GBA1: variants seen among roughly 807,000 people sequenced by gnomAD.
The protein encoded by GBA1 is lysosomal acid glucosylceramidase.
At chr1:155,238,186 T>C in the GBA1 span, 10 of 1,614,068 alleles carry the variant, frequency 6.2e-6, no homozygotes, top group Admixed American at 1.2e-4. Context: ...GGCTGTCCCT[T>C]GAGTGACCCC....
chr1:155,240,769 A>G, the GBA1 span: 4 of 1,477,670 alleles, frequency 2.7e-6, no homozygotes, highest in Non-Finnish European at 1.9e-6. Context: ...CCACCCCTCA[A>G]CTACTCTCCT....
At chr1:155,243,930 C>T in the GBA1 span, among the ~76,000 whole-genome samples, 1 of 152,000 alleles carries the variant, frequency 6.6e-6, no homozygotes, top group Non-Finnish European at 1.5e-5. Flanking sequence ...GTGCGAATCC[C>T]AACCCCGACG....
chr1:155,236,829 A>G, the GBA1 span, among the ~76,000 whole-genome samples: 1 of 152,014 alleles, frequency 6.6e-6, no homozygotes. Flanking sequence ...GTATATACAC[A>G]TACATACATG....
the GBA1 span, chr1:155,240,497 T>G: frequency 1.3e-6 from 1 of 790,450 alleles, no homozygotes; most frequent in Non-Finnish European, 2.3e-6. Flanking sequence ...ACCCCAAAGT[T>G]GGTCTCAGTC....
chr1:155,237,560 A>G, the GBA1 span: 1 of 1,613,890 alleles, frequency 6.2e-7, no homozygotes, highest in Admixed American at 1.7e-5. Flanking sequence ...ACTTGTGCTC[A>G]GCATAGGCAT....
the GBA1 span, chr1:155,239,824 T>C: frequency 6.2e-7 from 1 of 1,610,808 alleles, no homozygotes; most frequent in Non-Finnish European, 8.5e-7. Context: ...TGGTGATCAC[T>C]GACACCATTT....
chr1:155,235,725 G>C, the GBA1 span: 1 of 1,613,660 alleles, frequency 6.2e-7, no homozygotes, highest in Non-Finnish European at 8.5e-7. Context: ...TGTAAAACGT[G>C]TCCTTGGTGA....
chr1:155,243,403 A>G, the GBA1 span, among the ~76,000 whole-genome samples: 8 of 152,246 alleles, frequency 5.3e-5, no homozygotes, highest in African/African-American at 1.4e-4. Flanking sequence ...TAGAAGTCCA[A>G]ACATCTCCTT....
the GBA1 span, chr1:155,238,691 T>C: frequency 8.7e-6 from 14 of 1,612,604 alleles, no homozygotes; most frequent in Admixed American, 1.7e-5. Context: ...TCCGAGTCAA[T>C]AGGAGAGTAT....
the GBA1 span, chr1:155,236,500 T>C: frequency 1.3e-6 from 2 of 1,546,414 alleles, no homozygotes; most frequent in African/African-American, 1.4e-5. Context: ...ATCCTGGACC[T>C]TGCACACAGG....
chr1:155,239,894 G>C, the GBA1 span: 1 of 1,614,088 alleles, frequency 6.2e-7, no homozygotes, highest in African/African-American at 1.3e-5. Flanking sequence ...ACCTGTGCCC[G>C]TGTGATTAGC....
the GBA1 span, chr1:155,241,288 C>T: frequency 1.0e-5 from 7 of 667,594 alleles, no homozygotes; most frequent in South Asian, 1.7e-5. Flanking sequence ...TGACTAGGAG[C>T]GTCACATGAC....
the GBA1 span, chr1:155,240,095 C>T: frequency 6.2e-7 from 1 of 1,609,078 alleles, no homozygotes; most frequent in Non-Finnish European, 8.5e-7. Flanking sequence ...GGAGGGAGTA[C>T]AAGCAGAGTG....
chr1:155,236,787 GTA>G, the GBA1 span, among the ~76,000 whole-genome samples: 5 of 151,228 alleles, frequency 3.3e-5, no homozygotes, highest in East Asian at 7.7e-4. Context: ...GTGTGTGTGT[GTA>G]TATATATATA....
the GBA1 span, among the ~76,000 whole-genome samples, chr1:155,241,637 C>T: frequency 6.6e-6 from 1 of 152,086 alleles, no homozygotes; most frequent in Non-Finnish European, 1.5e-5. Context: ...GCATGGAAGT[C>T]AGACACACAG....
the GBA1 span, chr1:155,241,135 GA>G: frequency 2.5e-6 from 4 of 1,613,152 alleles, no homozygotes; most frequent in East Asian, 6.7e-5. Flanking sequence ...ATTAGATGAA[GA>G]GAAGACCACA....
chr1:155,239,802 CG>C, the GBA1 span: 2 of 1,613,978 alleles, frequency 1.2e-6, no homozygotes, highest in South Asian at 1.1e-5. Context: ...CAGTACCCAG[CG>C]GGAAACTCCA....
At chr1:155,237,031 A>AT in the GBA1 span, among the ~76,000 whole-genome samples, 39 of 148,196 alleles carry the variant, frequency 2.6e-4, no homozygotes, top group South Asian at 4.3e-4. Flanking sequence ...TGCCCAGATA[A>AT]TTTTTTTTTT....
the GBA1 span, chr1:155,240,707 T>C: frequency 4.2e-3 from 6,736 of 1,613,436 alleles, 222 homozygotes; most frequent in African/African-American, 0.078. Context: ...ACTCAAAGGC[T>C]TGGGACATTC....
Sources: allele counts gnomAD v4.1 joint callset (sites outside exome capture counted in the v4.1 genomes callset), GRCh38; gene constraint gnomAD v4.1.1; transcripts MANE v1.5; gene names NCBI Gene and HGNC (gene_info 2026-07-23, HGNC 2026-07-21).